Variants in ZBTB34 observed in about 807,000 individuals in gnomAD.
The protein encoded by ZBTB34 is zinc finger and BTB domain containing 34.
Under a neutral mutation model 33.4 loss-of-function variants are expected in ZBTB34, and 1 was observed. The ratio of observed to expected loss-of-function variants is 0.03; its 90% confidence interval spans 0.01 to 0.14. The LOEUF (loss-of-function observed/expected upper bound fraction) is 0.14, where lower values mean the gene tolerates loss of function less well. Among genes scored for constraint, ZBTB34 ranks in the 10% least tolerant of loss-of-function variants. ZBTB34 has a pLI of 1.00. For synonymous variants in ZBTB34, 283 were observed against 253.5 expected (o/e 1.12, Z -1.11); for missense variants, 406 against 657.2 (o/e 0.62, Z 4.18).
intron 1 of ZBTB34, among the ~76,000 whole-genome samples, chr9:126,863,153 TG>T (rs2033162992): frequency 6.6e-6 from 1 of 152,208 alleles, no homozygotes; most frequent in African/African-American, 2.4e-5. Context: ...ATCAGAGACC[TG>T]GGTTTGAATC....
At position 126,870,817 on chromosome 9, in the gene ZBTB34, C is replaced by T. The variant is rs530325824; in HGVS notation, c.-10-8573C>T. The stretch of plus-strand genomic sequence containing the variant: ...TGGCTTGCACCTGTGGCCTGAGTTA[C>T]TAGGGAGGCTGAGGCAAGAGAATCA... On this transcript the variant is annotated intron_variant, in intron 1 of 1. Coordinates refer to ENST00000319119, the Ensembl canonical transcript of ZBTB34. Among the ~76,000 whole-genome samples, 16 of 152,060 alleles carry T rather than the reference C, an allele frequency of 1.1e-4. No homozygotes were observed. In the South Asian group the frequency reaches 2.7e-3, roughly 26 times the overall value.
chr9:126,879,351 G>A lies in ZBTB34; in HGVS notation c.-10-39G>A. On this transcript the variant is annotated intron_variant, in intron 1 of 1. Transcript: ENST00000319119. This position sits in a 1 kb window ranked among gnomAD's most constrained non-coding sequence, Gnocchi z 6.4. ...GTTTATGCCACTTGTACTTAGTGAG[G>A]AGTCATTGGTGAATGATGCAAACTC... 1 of 1,515,620 alleles carries A rather than the reference G, an allele frequency of 6.6e-7. No homozygotes were observed. Among genetic ancestry groups the A allele is most frequent in the Non-Finnish European group, 9.0e-7 (1 of 1,115,340 alleles). 93.9% of individuals were successfully genotyped at this position (1,515,620 alleles called of 1,614,324 possible). A position where few individuals can be genotyped will look rare whatever the true frequency, so the allele number is the denominator to read the frequency against.
At chr9:126,881,075 C>A in exon 2 of ZBTB34, 1 of 782,036 alleles carries the variant, frequency 1.3e-6, no homozygotes. Context: ...TTTATCCTTT[C>A]CCCTGCCCTC....
At chr9:126,861,798 T>G (rs546840179) in intron 1 of ZBTB34, among the ~76,000 whole-genome samples, 2 of 152,314 alleles carry the variant, frequency 1.3e-5, no homozygotes, top group East Asian at 3.9e-4. Context: ...CCAGGCCCTC[T>G]TTGCTTCACA....
In ZBTB34 at chr9:126,880,461, C is replaced by T. The variant is rs905630714; in HGVS notation, c.1062C>T (p.Pro354=). The T allele has an allele frequency of 6.8e-6, 11 of 1,613,704 alleles. No individual in the cohort carries two copies. Among genetic ancestry groups the T allele is most frequent in the Non-Finnish European group, 8.5e-6 (10 of 1,179,860 alleles). Residue 354 remains proline (P), a synonymous_variant, in exon 2 of 2, where the codon CCC becomes CCT. Transcript: ENST00000319119. The surrounding 1 kb of genome is among the most constrained non-coding windows in gnomAD (Gnocchi z 6.7). ...ACAGTGAAGCCATGATGAACAACCC[C>T]GGGTATGAGAGCAGTCCCCGGGAGA...
rs2033430464 is a variant in ZBTB34 at position 126,880,869 on chromosome 9, A to G, written c.1470A>G (p.Leu490=). ...ACGCATCGGCCTCAGAGATGGGCCT[A>G]GATTCCCGGATGGAAATTCACACAG... Residue 490 remains leucine, a synonymous_variant, in exon 2 of 2, where the codon CTA becomes CTG. Transcript: ENST00000319119. The surrounding 1 kb of genome is among the most constrained non-coding windows in gnomAD (Gnocchi z 6.7). 2 of 1,613,078 alleles carry G rather than the reference A, an allele frequency of 1.2e-6. No homozygotes were observed. The highest frequency in any genetic ancestry group is 1.3e-5 in the African/African-American group (1 of 74,892).
chr9:126,877,074 T>G (rs941385645), intron 1 of ZBTB34, among the ~76,000 whole-genome samples: 1 of 152,270 alleles, frequency 6.6e-6, no homozygotes, highest in Non-Finnish European at 1.5e-5. Context: ...TTTCCTTTTC[T>G]GACCTCCTGA....
intron 1 of ZBTB34, among the ~76,000 whole-genome samples, chr9:126,873,958 T>C (rs2033316798): frequency 6.6e-6 from 1 of 151,944 alleles, no homozygotes; most frequent in African/African-American, 2.4e-5. Flanking sequence ...TTTAAAAGCC[T>C]CTGTTCATAC....
At chr9:126,867,168 T>G (rs1192203876) in intron 1 of ZBTB34, among the ~76,000 whole-genome samples, 1 of 149,924 alleles carries the variant, frequency 6.7e-6, no homozygotes, top group Non-Finnish European at 1.5e-5. Flanking sequence ...AAATTCTTAG[T>G]GGTTGTTCTC....
At position 126,865,075 on chromosome 9, in the gene ZBTB34, CCTTT is replaced by C. The variant is rs776893993; in HGVS notation, c.-11+4341_-11+4344del. Among the ~76,000 whole-genome samples, 140 of 152,296 alleles carry C rather than the reference CCTTT, an allele frequency of 9.2e-4. 1 individual carries two copies. The highest frequency in any genetic ancestry group is 3.4e-3 in the Middle Eastern group (1 of 294). ...AAACAACTTCCAAATTTGTAACTTT[CCTTT>C]CTTTTCTTGGAAGTGTAACTGGATA... is the stretch of plus-strand genomic sequence containing the variant. On this transcript the variant is annotated intron_variant, in intron 1 of 1. Transcript: ENST00000319119.
At chr9:126,876,216 C>T (rs1223429448) in intron 1 of ZBTB34, among the ~76,000 whole-genome samples, 6 of 7,922 alleles carry the variant, frequency 7.6e-4, no homozygotes, top group Non-Finnish European at 9.0e-4. Context: ...TTTCCCCCTT[C>T]CCCCCTTCCC....
intron 1 of ZBTB34, among the ~76,000 whole-genome samples, chr9:126,867,491 C>G (rs1353623791): frequency 1.6e-5 from 2 of 121,858 alleles, no homozygotes; most frequent in Non-Finnish European, 3.4e-5. Flanking sequence ...TGCCCATTCT[C>G]CCATAGGGGT....
At position 126,879,669 on chromosome 9, in the gene ZBTB34, T is replaced by C. The variant is rs745968272; in HGVS notation, c.270T>C (p.Phe90=). The change falls in exon 2 of 2, where the codon TTT becomes TTC. Residue 90 remains phenylalanine, a synonymous_variant. Transcript: ENST00000319119. This position sits in a 1 kb window ranked among gnomAD's most constrained non-coding sequence, Gnocchi z 6.4. ...ATGTGTTTGAGCAGTTGCTTTCTTT[T>C]TGTTACACTGGAAGAATGTCCTTGC... The C allele has an allele frequency of 1.9e-6, 3 of 1,613,694 alleles. No individual in the cohort carries two copies. The highest frequency in any genetic ancestry group is 2.5e-6 in the Non-Finnish European group (3 of 1,179,896).
chr9:126,869,907 A>G (rs1389920349), intron 1 of ZBTB34, among the ~76,000 whole-genome samples: 1 of 152,222 alleles, frequency 6.6e-6, no homozygotes, highest in African/African-American at 2.4e-5. Context: ...ACAAAGTTCT[A>G]TCCATGTGTA....
chr9:126,871,751 A>G (rs2033282663), intron 1 of ZBTB34, among the ~76,000 whole-genome samples: 1 of 152,092 alleles, frequency 6.6e-6, no homozygotes, highest in Non-Finnish European at 1.5e-5. Context: ...GGGCTGGGGG[A>G]AAGTTTTATT....
intron 1 of ZBTB34, among the ~76,000 whole-genome samples, chr9:126,874,786 G>A (rs1461222089): frequency 3.3e-5 from 5 of 152,078 alleles, no homozygotes; most frequent in Non-Finnish European, 4.4e-5. Context: ...GCAGCACCCC[G>A]ATGCCCACAT....
At chr9:126,872,549 A>T (rs1485405156) in intron 1 of ZBTB34, among the ~76,000 whole-genome samples, 4 of 152,198 alleles carry the variant, frequency 2.6e-5, no homozygotes, top group Non-Finnish European at 5.9e-5. Flanking sequence ...GGGATAGAGG[A>T]TCATATTTGA....
At chr9:126,882,083 A>G (rs927900609) in exon 2 of ZBTB34, 14 of 166,968 alleles carry the variant, frequency 8.4e-5, no homozygotes, top group Admixed American at 7.2e-4. Flanking sequence ...GCTATACTCT[A>G]TGGGAATTGC....
chr9:126,872,576 C>T (rs755965234), intron 1 of ZBTB34, among the ~76,000 whole-genome samples: 4 of 152,160 alleles, frequency 2.6e-5, no homozygotes, highest in Non-Finnish European at 5.9e-5. Context: ...ATTGTGCCTA[C>T]GTAAGAGGCT....
Sources: allele counts gnomAD v4.1 joint callset (sites outside exome capture counted in the v4.1 genomes callset), GRCh38; gene constraint gnomAD v4.1.1; non-coding constraint Gnocchi (gnomAD v3.1); transcripts MANE v1.5; gene names NCBI Gene and HGNC (gene_info 2026-07-23, HGNC 2026-07-21).